The following DEK variants were observed in gnomAD, a reference collection of about 807,000 sequenced individuals.
DEK encodes the protein protein DEK.
In DEK, 28 loss-of-function variants were observed where a neutral mutation model predicts 46.8. The ratio of observed to expected loss-of-function variants is 0.60; its 90% CI spans 0.44 to 0.82. The LOEUF (loss-of-function observed/expected upper bound fraction) is 0.82, where lower values mean the gene tolerates loss of function less well. Ranked by LOEUF, DEK falls within the 40% of genes least tolerant of loss-of-function variation. The probability of loss-of-function intolerance (pLI) is 0.00; values close to 1 mark genes in which losing one functional copy is unlikely to be tolerated. For missense variants in DEK, 416 were observed against 430.6 expected (o/e 0.97, Z 0.30); for synonymous variants, 160 against 144.5 (o/e 1.11, Z -0.77).
chr6:18,232,909 G>C (rs1337990681), intron 9 of DEK, among the ~76,000 whole-genome samples: 1 of 152,166 alleles, frequency 6.6e-6, no homozygotes, highest in Non-Finnish European at 1.5e-5. Context: ...TAAGCCAAAA[G>C]AACAAAGCTG....
chr6:18,250,476 C>A (rs374611065), intron 6 of DEK, among the ~76,000 whole-genome samples: 1 of 149,514 alleles, frequency 6.7e-6, no homozygotes, highest in Non-Finnish European at 1.5e-5. Context: ...CTCAAAAAAA[C>A]ACAAAAAGCA....
intron 9 of DEK, among the ~76,000 whole-genome samples, chr6:18,233,326 G>GC (rs1390476240): frequency 1.3e-5 from 2 of 152,078 alleles, no homozygotes; most frequent in Non-Finnish European, 2.9e-5. Context: ...AAAAGCAATG[G>GC]CAACAAAAGC....
In DEK at chr6:18,252,201, C is replaced by T. The variant is rs890318903; in HGVS notation, c.574-2362G>A. ...ATTGTTAAAGAGGAGAAAAAGGAAA[C>T]TTCTTGTAGCATAGAAAATAGCTCT... On this transcript the variant is annotated intron_variant, in intron 6 of 10. Coordinates refer to ENST00000652689, the MANE Select transcript of DEK (RefSeq NM_003472.4). 4.1e-4 allele frequency among the ~76,000 whole-genome samples: 63 copies of T among 152,088 alleles called. 2 individuals are homozygous for T. Among genetic ancestry groups the T allele is most frequent in the Non-Finnish European group, 1.8e-4 (12 of 68,006 alleles).
chr6:18,225,844 T>C, intron 10 of DEK, 114 bp from the exon 11 acceptor site: 1 of 1,229,868 alleles, frequency 8.1e-7, no homozygotes, highest in Non-Finnish European at 1.2e-6. Context: ...AATACAGAAT[T>C]ACAGCTACCT....
At chr6:18,240,821 G>C (rs1356861243) in intron 7 of DEK, among the ~76,000 whole-genome samples, 2 of 151,946 alleles carry the variant, frequency 1.3e-5, no homozygotes. Context: ...TTTAAAAGCA[G>C]GGCAGATACA....
At chr6:18,238,191 T>G (rs1790747698) in intron 7 of DEK, among the ~76,000 whole-genome samples, 1 of 152,038 alleles carries the variant, frequency 6.6e-6, no homozygotes, top group Non-Finnish European at 1.5e-5. Context: ...TTCACTGATG[T>G]TTCCCTAACT....
At chr6:18,260,414 A>C (rs1791804834) in intron 2 of DEK, among the ~76,000 whole-genome samples, 1 of 152,162 alleles carries the variant, frequency 6.6e-6, no homozygotes, top group African/African-American at 2.4e-5. Flanking sequence ...GCTACAATTC[A>C]TGTCCTACAG....
chr6:18,260,426 C>A (rs1791805516), intron 2 of DEK, among the ~76,000 whole-genome samples: 1 of 152,154 alleles, frequency 6.6e-6, no homozygotes. Flanking sequence ...GTCCTACAGG[C>A]ACCTAAACTC....
At position 18,225,699 on chromosome 6, in the gene DEK, C is replaced by T; in HGVS notation, c.*20G>A. The T allele has an allele frequency of 6.2e-7, 1 of 1,611,878 alleles. No homozygotes were observed. The highest frequency in any genetic ancestry group is 8.5e-7 in the Non-Finnish European group (1 of 1,178,656). Reference sequence around the variant, plus strand: ...GATCTTCAAATCTATGGGAACGAGTCATCTTCTCTGTCCTCTATCTCAAGA... The same window carrying T: ...GATCTTCAAATCTATGGGAACGAGTTATCTTCTCTGTCCTCTATCTCAAGA... On this transcript the variant is annotated 3_prime_UTR_variant, in exon 11 of 11. Transcript: ENST00000652689.
At chr6:18,256,122 G>T (rs1179763567) in intron 5 of DEK, among the ~76,000 whole-genome samples, 2 of 151,966 alleles carry the variant, frequency 1.3e-5, no homozygotes, top group African/African-American at 4.8e-5. Context: ...CAAGTAGCTG[G>T]GATTACAGGC....
intron 8 of DEK, 43 bp downstream of exon 8, chr6:18,237,338 G>A (rs1790698353): frequency 1.9e-6 from 3 of 1,565,104 alleles, no homozygotes; most frequent in Middle Eastern, 3.6e-4. Context: ...ATTAATATAT[G>A]CTATATCTTT....
chr6:18,242,846 A>C (rs531112647), intron 7 of DEK, among the ~76,000 whole-genome samples: 1 of 152,324 alleles, frequency 6.6e-6, no homozygotes, highest in South Asian at 2.1e-4. Context: ...TCTAAGATCT[A>C]TAGTAAGAAC....
At chr6:18,228,744 A>C (rs775638605) in intron 9 of DEK, among the ~76,000 whole-genome samples, 1 of 152,252 alleles carries the variant, frequency 6.6e-6, no homozygotes, top group South Asian at 2.1e-4. Context: ...CCTGGCTCGG[A>C]GAGTCCCACG....
intron 3 of DEK, 24 bp from the exon 4 acceptor site, chr6:18,258,086 T>A: frequency 6.8e-7 from 1 of 1,478,088 alleles, no homozygotes; most frequent in Non-Finnish European, 9.3e-7. Context: ...AAAATCACAA[T>A]TAAATACCTA....
chr6:18,262,309 G>C (rs1402243320), intron 2 of DEK, among the ~76,000 whole-genome samples: 1 of 141,572 alleles, frequency 7.1e-6, no homozygotes, highest in South Asian at 2.2e-4. Context: ...AAAAAAAAAA[G>C]CCTAATACAG....
chr6:18,248,058 A>G, intron 7 of DEK, among the ~76,000 whole-genome samples: 1 of 152,136 alleles, frequency 6.6e-6, no homozygotes, highest in East Asian at 1.9e-4. Flanking sequence ...TTTTAATTCT[A>G]ATAATAATAG....
intron 7 of DEK, chr6:18,244,478 CA>C: frequency 2.6e-5 from 31 of 1,212,226 alleles, no homozygotes; most frequent in East Asian, 1.1e-4. Flanking sequence ...TGAAGGAAGG[CA>C]AAAAAAATCT....
chr6:18,264,021 G>A (rs745330720), intron 1 of DEK, 25 bp from the exon 2 acceptor site: 5 of 1,578,328 alleles, frequency 3.2e-6, no homozygotes, highest in Admixed American at 1.9e-5. Flanking sequence ...AAAGCCGGAC[G>A]TCTCGGTCCT....
chr6:18,225,536 A>T lies in DEK; in HGVS notation c.*183T>A, dbSNP rs143246702. 2.1e-4 allele frequency: 114 copies of T among 537,384 alleles called. No individual in the cohort carries two copies. Among genetic ancestry groups the T allele is most frequent in the African/African-American group, 2.1e-3 (109 of 51,538 alleles). 33.3% of individuals were successfully genotyped at this position (537,384 alleles called of 1,614,324 possible). ...AGATTTTAAACTAAAAATGGCATAG[A>T]AATGCAATTTAAAACAGCAAACTCA... On this transcript the variant is annotated 3_prime_UTR_variant, in exon 11 of 11. Coordinates refer to ENST00000652689, the MANE Select transcript of DEK (RefSeq NM_003472.4).
Sources: gnomAD v4.1 joint callset for allele counts (sites outside exome capture counted in the v4.1 genomes callset) on GRCh38, gnomAD v4.1.1 for gene constraint, MANE v1.5 for transcripts, NCBI Gene and HGNC (gene_info 2026-07-23, HGNC 2026-07-21) for gene names.